Variants in FTO observed in about 807,000 individuals in gnomAD.
The protein encoded by FTO is FTO alpha-ketoglutarate dependent dioxygenase.
In FTO, 47 loss-of-function variants were observed where a neutral mutation model predicts 63.9. The ratio of observed to expected loss-of-function variants is 0.74; its 90% CI spans 0.58 to 0.94. FTO has a LOEUF of 0.94. Among genes scored for constraint, FTO ranks in the 40% least tolerant of loss-of-function variants. The pLI, the probability that FTO is intolerant of heterozygous loss-of-function variation, is 0.00. For synonymous variants in FTO, 207 were observed against 224.4 expected, an observed-to-expected ratio of 0.92 and a Z score of 0.69; for missense variants, 562 against 618.1, an observed-to-expected ratio of 0.91 and a Z score of 0.96.
At chr16:53,898,712 C>G (rs890357552) in intron 7 of FTO, among the ~76,000 whole-genome samples, 2 of 152,156 alleles carry the variant, frequency 1.3e-5, no homozygotes, top group Admixed American at 1.3e-4. Context: ...GACGGTCTTA[C>G]TCTGTTGCCT....
chr16:53,982,906 T>C (rs992735676), intron 8 of FTO, among the ~76,000 whole-genome samples: 5 of 152,092 alleles, frequency 3.3e-5, no homozygotes, highest in African/African-American at 1.2e-4. Context: ...AGGAAATAAA[T>C]ATTTCAACAT....
intron 4 of FTO, among the ~76,000 whole-genome samples, chr16:53,868,941 C>T (rs1391360375): frequency 1.3e-5 from 2 of 152,032 alleles, no homozygotes; most frequent in Non-Finnish European, 2.9e-5. Flanking sequence ...AAGCGATTTT[C>T]CTGCTTCAGC....
At chr16:53,887,937 G>A (rs933458133) in intron 6 of FTO, 2 of 152,036 alleles carry the variant, frequency 1.3e-5, no homozygotes, top group South Asian at 4.2e-4. Flanking sequence ...TTAATTTATT[G>A]TAATTTAAGA....
chr16:53,704,320 C>A, intron 1 of FTO, 91 bp downstream of exon 1: 3 of 1,305,148 alleles, frequency 2.3e-6, no homozygotes, highest in Non-Finnish European at 2.2e-6. Context: ...CGAGCGGATG[C>A]GCGGTGTTAA....
chr16:53,862,208 A>G (rs1489546363), intron 4 of FTO, among the ~76,000 whole-genome samples: 2 of 152,154 alleles, frequency 1.3e-5, no homozygotes, highest in Non-Finnish European at 2.9e-5. Context: ...AGATTGTGCC[A>G]CTGCACTCCA....
At chr16:53,971,386 C>T (rs559589223) in intron 8 of FTO, among the ~76,000 whole-genome samples, 4 of 152,288 alleles carry the variant, frequency 2.6e-5, no homozygotes, top group African/African-American at 4.8e-5. Flanking sequence ...ATTTACACTG[C>T]AATCAGCAAA....
At chr16:53,777,727 AC>A (rs1215807731) in intron 1 of FTO, among the ~76,000 whole-genome samples, 1 of 152,214 alleles carries the variant, frequency 6.6e-6, no homozygotes, top group East Asian at 1.9e-4. Flanking sequence ...GGTAGCAAAT[AC>A]AAATTTTCTA....
At chr16:54,015,690 C>T (rs575360175) in intron 8 of FTO, among the ~76,000 whole-genome samples, 3 of 152,282 alleles carry the variant, frequency 2.0e-5, no homozygotes, top group South Asian at 2.1e-4. Flanking sequence ...TGCCAAATAC[C>T]GTTGTACATT....
chr16:53,863,396 C>T (rs2080228401), intron 4 of FTO, among the ~76,000 whole-genome samples: 1 of 152,162 alleles, frequency 6.6e-6, no homozygotes, highest in Non-Finnish European at 1.5e-5. Context: ...GATTCCTGGC[C>T]AAATCCTTTA....
chr16:54,038,387 A>G (rs1225053757), intron 8 of FTO, among the ~76,000 whole-genome samples: 1 of 152,172 alleles, frequency 6.6e-6, no homozygotes, highest in African/African-American at 2.4e-5. Flanking sequence ...TTCTGCTGCC[A>G]TAGCAGCTGC....
Position 53,825,865 on chromosome 16 carries a change from G to A in FTO, c.125G>A (p.Trp42Ter). 6.2e-7 allele frequency: 1 copy of A among 1,613,318 alleles called. No homozygotes were observed. The highest frequency in any genetic ancestry group is 8.5e-7 in the Non-Finnish European group (1 of 1,179,994). Residue 42 changes from tryptophan (W) to a stop codon, truncating the protein, a stop_gained and splice_region_variant, in exon 3 of 9, where the codon TGG becomes TAG. Coordinates refer to ENST00000471389, the MANE Select transcript of FTO (RefSeq NM_001080432.3). LOFTEE classifies it high-confidence loss of function. ...TPKDDEFYQQ[W>*]QLKYPKLILR... ...GTTTTTGCTTTGGTTTTGTTTTAGT[G>A]GCAGCTGAAATATCCTAAACTAATT...
intron 8 of FTO, among the ~76,000 whole-genome samples, chr16:54,086,960 T>A (rs1426158689): frequency 6.6e-6 from 1 of 152,162 alleles, no homozygotes; most frequent in East Asian, 1.9e-4. Flanking sequence ...AGCCAGAGAA[T>A]GAGATGCCAT....
intron 1 of FTO, among the ~76,000 whole-genome samples, chr16:53,763,755 G>T (rs2077126842): frequency 6.6e-6 from 1 of 152,242 alleles, no homozygotes; most frequent in South Asian, 2.1e-4. Flanking sequence ...TTTTATAAAG[G>T]CTTTATTATT....
In FTO at chr16:53,759,214, T is replaced by G. The variant is rs573510094; in HGVS notation, c.46-50926T>G. ...AAATTGAAAATATGATAGCAGAAAT[T>G]AAATTTTCAACAGAAGTATTAGAAA... is the stretch of plus-strand genomic sequence containing the variant. On this transcript the variant is annotated intron_variant, in intron 1 of 8. Transcript: ENST00000471389. 3.4e-4 allele frequency among the ~76,000 whole-genome samples: 52 copies of G among 152,300 alleles called. 1 individual carries two copies. In the South Asian group the frequency reaches 8.1e-3, roughly 24 times the overall value.
chr16:54,061,795 TG>T (rs1322119042), intron 8 of FTO: 2 of 152,242 alleles, frequency 1.3e-5, no homozygotes, highest in Non-Finnish European at 2.9e-5. Context: ...GTGACTGCCC[TG>T]GTGAACAGAG....
chr16:53,742,870 T>C (rs1370712834), intron 1 of FTO, among the ~76,000 whole-genome samples: 1 of 152,172 alleles, frequency 6.6e-6, no homozygotes, highest in Non-Finnish European at 1.5e-5. Context: ...TGTGGAGATA[T>C]TGGTTCCTTT....
chr16:54,031,894 A>G (rs2084840666), intron 8 of FTO, among the ~76,000 whole-genome samples: 1 of 152,148 alleles, frequency 6.6e-6, no homozygotes, highest in Admixed American at 6.5e-5. Context: ...AGACAGATGG[A>G]AAGAGGTCAT....
intron 8 of FTO, among the ~76,000 whole-genome samples, chr16:54,098,896 T>G (rs993585009): frequency 2.0e-5 from 3 of 152,222 alleles, no homozygotes; most frequent in Non-Finnish European, 2.9e-5. Context: ...GAAGAAATGT[T>G]TTTTAGAATG....
chr16:53,719,593 G>A (rs1173955806), intron 1 of FTO, among the ~76,000 whole-genome samples: 1 of 136,128 alleles, frequency 7.3e-6, no homozygotes, highest in African/African-American at 2.7e-5. Context: ...GTACATTCTT[G>A]TCTTCTCTTT....
Sources: allele counts gnomAD v4.1 joint callset (sites outside exome capture counted in the v4.1 genomes callset), GRCh38; gene constraint gnomAD v4.1.1; transcripts MANE v1.5; gene names NCBI Gene and HGNC (gene_info 2026-07-23, HGNC 2026-07-21).